TMEM222: variants seen among roughly 807,000 people sequenced by gnomAD.
TMEM222 encodes the protein chromosome 1 open reading frame 160.
TMEM222 carries 18 observed loss-of-function variants against 25.1 expected under a neutral mutation model. The ratio of observed to expected loss-of-function variants is 0.72; its 90% CI spans 0.50 to 1.06. The LOEUF is 1.06. Among genes scored for constraint, TMEM222 ranks in the 50% least tolerant of loss-of-function variants. The pLI is 0.00. For synonymous variants in TMEM222, 131 were observed against 117.9 expected (o/e 1.11, Z -0.72); for missense variants, 296 against 293.7 (o/e 1.01, Z -0.06).
intron 1 of TMEM222, among the ~76,000 whole-genome samples, chr1:27,324,239 A>T (rs1438845082): frequency 6.6e-6 from 1 of 152,142 alleles, no homozygotes; most frequent in African/African-American, 2.4e-5. Flanking sequence ...CAGGAGAATC[A>T]CTTGAACCCG....
intron 5 of TMEM222, 159 bp downstream of exon 5, chr1:27,334,440 G>A: frequency 7.8e-7 from 1 of 1,289,840 alleles, no homozygotes; most frequent in African/African-American, 1.5e-5. Context: ...CTGAGGGCCT[G>A]ATGGAGAGGG....
chr1:27,330,830 G>C (rs377025086), intron 2 of TMEM222, 26 bp downstream of exon 2: 2 of 1,612,730 alleles, frequency 1.2e-6, no homozygotes, highest in Non-Finnish European at 8.5e-7. Context: ...GCCCACCCGG[G>C]GGGTTCCAAG....
Position 27,335,557 on chromosome 1 carries a change from G to A in TMEM222, c.*91G>A. 7.7e-7 allele frequency: 1 copy of A among 1,297,990 alleles called. No homozygotes were observed. The highest frequency in any genetic ancestry group is 1.1e-6 in the Non-Finnish European group (1 of 911,416). 80.4% of individuals were successfully genotyped at this position (1,297,990 alleles called of 1,614,324 possible). ...AGATTTTTTTCTCCTCACCCCAAAA[G>A]GCAGGGTTGGGCCTGCTGTTGTGGA... On this transcript the variant is annotated 3_prime_UTR_variant, in exon 6 of 6. Transcript: ENST00000374076.
At chr1:27,330,450 G>C (rs937814095) in intron 1 of TMEM222, among the ~76,000 whole-genome samples, 1 of 152,012 alleles carries the variant, frequency 6.6e-6, no homozygotes, top group South Asian at 2.1e-4. Flanking sequence ...GTGAATGAGA[G>C]CTCTGGTTGT....
In TMEM222 at chr1:27,334,268, G is replaced by A. The variant is rs746010490; in HGVS notation, c.526G>A (p.Gly176Arg). 3 of 1,614,212 alleles carry A rather than the reference G, an allele frequency of 1.9e-6. No homozygotes were observed. Among genetic ancestry groups the A allele is most frequent in the East Asian group, 2.2e-5 (1 of 44,892 alleles). Residue 176 changes from glycine (G) to arginine (R), a missense_variant, in exon 5 of 6, where the codon GGG becomes AGG. Coordinates refer to ENST00000374076, the MANE Select transcript of TMEM222 (RefSeq NM_032125.3). ...VTLCFFCLLYGKYVSVGAFVK... is the reference protein window; with the variant it reads ...VTLCFFCLLYRKYVSVGAFVK... Reference sequence around the variant, plus strand: ...GCTCTGCTTCTTCTGCCTGCTCTACGGGAAGTACGTCAGGTGAGCTGCCCT... The same window carrying A: ...GCTCTGCTTCTTCTGCCTGCTCTACAGGAAGTACGTCAGGTGAGCTGCCCT...
chr1:27,334,739 T>C, intron 5 of TMEM222: 1 of 1,265,670 alleles, frequency 7.9e-7, no homozygotes, highest in Non-Finnish European at 1.0e-6. Context: ...GAGCCCAGAC[T>C]CGTGAGCCAG....
intron 3 of TMEM222, chr1:27,332,370 G>A (rs2014502187): frequency 2.8e-6 from 2 of 717,014 alleles, no homozygotes; most frequent in Non-Finnish European, 5.2e-6. Flanking sequence ...CAAGGGTGAG[G>A]AAAGGGAAGG....
chr1:27,335,453 T>G lies in TMEM222; in HGVS notation c.614T>G (p.Phe205Cys), dbSNP rs1249528497. 6.2e-7 allele frequency: 1 copy of G among 1,614,228 alleles called. No homozygotes were observed. The change falls in exon 6 of 6, where the codon TTT becomes TGT. Residue 205 changes from phenylalanine to cysteine, a missense_variant. Physicochemically the swap from Phe to Cys is radical, Grantham distance 205 (BLOSUM62 -2). Transcript: ENST00000374076. The stretch of plus-strand genomic sequence containing the variant: ...ATCATCCTCACCGTCAGCCTGGTCT[T>G]TAACCTCCGGTGATGGCTGCTCGGT... Reference protein sequence around the residue: ...LGIILTVSLVFNLR With the variant: ...LGIILTVSLVCNLR
chr1:27,323,390 A>C (rs1046219285), intron 1 of TMEM222, among the ~76,000 whole-genome samples: 1 of 152,230 alleles, frequency 6.6e-6, no homozygotes, highest in African/African-American at 2.4e-5. Flanking sequence ...GCTGATTCTA[A>C]AAAGATCGTA....
In TMEM222 at chr1:27,330,906, G is replaced by A. The variant is rs566742747; in HGVS notation, c.279+102G>A. 102 of 1,587,856 alleles carry A rather than the reference G, an allele frequency of 6.4e-5. No individual in the cohort carries two copies. In the South Asian group the frequency reaches 1.0e-3, roughly 16 times the overall value. ...TTCGTCTCCCCAGACCCAGGAGAAC[G>A]TAGATAACCCGCAGTCCTGGCCCTG... On this transcript the variant is annotated intron_variant, in intron 2 of 5. Coordinates refer to ENST00000374076, the MANE Select transcript of TMEM222 (RefSeq NM_032125.3).
rs1321819286 is a variant in TMEM222, at chr1:27,322,285, G to A, written c.88G>A (p.Ala30Thr). 3.6e-5 allele frequency: 56 copies of A among 1,552,948 alleles called. No homozygotes were observed. The highest frequency in any genetic ancestry group is 4.3e-5 in the Non-Finnish European group (49 of 1,147,096). ...GGCGGAAGTGGAGGCGCCGACGGCGGCCGAGACGGACATGAAGCAATATCA... is the reference window on the plus strand; with the variant it reads ...GGCGGAAGTGGAGGCGCCGACGGCGACCGAGACGGACATGAAGCAATATCA... ...RMAEVEAPTA[A>T]ETDMKQYQGS... Residue 30 changes from alanine (A) to threonine (T), a missense_variant, in exon 1 of 6, where the codon GCC becomes ACC. Physicochemically the swap from Ala to Thr is moderately conservative, Grantham distance 58 (BLOSUM62 0). Transcript: ENST00000374076.
intron 3 of TMEM222, chr1:27,333,716 C>T (rs2014536846): frequency 1.8e-6 from 1 of 558,588 alleles, no homozygotes; most frequent in East Asian, 3.0e-5. Flanking sequence ...AACTTGGGGA[C>T]ACAGACTTTC....
chr1:27,324,052 G>A lies in TMEM222; in HGVS notation c.194+1661G>A, dbSNP rs141410019. On this transcript the variant is annotated intron_variant, in intron 1 of 5. Coordinates refer to ENST00000374076, the MANE Select transcript of TMEM222 (RefSeq NM_032125.3). ...AGTGTGAAAATAACAGGGGCCGGGC[G>A]TGGTGGCTCAGGCCTGTAATCCCAG... Among the ~76,000 whole-genome samples the A allele has an allele frequency of 2.4e-3, 361 of 152,288 alleles. 4 individuals are homozygous for A. Among genetic ancestry groups the A allele is most frequent in the African/African-American group, 8.3e-3 (345 of 41,550 alleles).
intron 1 of TMEM222, among the ~76,000 whole-genome samples, chr1:27,323,222 G>T (rs543380665): frequency 3.3e-5 from 5 of 152,234 alleles, no homozygotes; most frequent in African/African-American, 9.6e-5. Context: ...GATCAGGTTC[G>T]CACCCCAATA....
rs41291080 is a variant in TMEM222, at chr1:27,334,243, G to A, written c.501G>A (p.Thr167=). 0.013 allele frequency: 21,412 copies of A among 1,614,216 alleles called. 192 individuals carry two copies. Among genetic ancestry groups the A allele is most frequent in the Non-Finnish European group, 0.016 (19,176 of 1,180,036 alleles). ...ACAGCACCAACTGGAATATGGTGAC[G>A]CTCTGCTTCTTCTGCCTGCTCTACG... is the stretch of plus-strand genomic sequence containing the variant. ...YNNSTNWNMV[T]LCFFCLLYGK... The change falls in exon 5 of 6, where the codon ACG becomes ACA. Residue 167 remains threonine (T), a synonymous_variant. Transcript: ENST00000374076.
At chr1:27,327,876 T>C (rs2014390452) in intron 1 of TMEM222, among the ~76,000 whole-genome samples, 2 of 152,040 alleles carry the variant, frequency 1.3e-5, no homozygotes, top group Admixed American at 6.6e-5. Flanking sequence ...CAAAGTGCTA[T>C]GATTACAGGC....
chr1:27,334,514 G>A (rs1024090687), intron 5 of TMEM222: 158 of 1,373,294 alleles, frequency 1.2e-4, no homozygotes, highest in Admixed American at 9.4e-4. Flanking sequence ...CTTGCCTGCT[G>A]TGAGACCATG....
intron 1 of TMEM222, chr1:27,325,574 C>A: frequency 9.1e-7 from 1 of 1,096,670 alleles, no homozygotes; most frequent in Non-Finnish European, 1.4e-6. Flanking sequence ...TATCCAGAGG[C>A]ACCACCATGT....
intron 1 of TMEM222, among the ~76,000 whole-genome samples, chr1:27,326,499 AG>A: frequency 6.6e-6 from 1 of 152,296 alleles, no homozygotes; most frequent in African/African-American, 2.4e-5. Flanking sequence ...TCATTGTGTA[AG>A]GAAAAATAAA....
Sources: allele counts gnomAD v4.1 joint callset (sites outside exome capture counted in the v4.1 genomes callset), GRCh38; gene constraint gnomAD v4.1.1; transcripts MANE v1.5; gene names NCBI Gene and HGNC (gene_info 2026-07-23, HGNC 2026-07-21).